ZNF385B: variants seen among roughly 807,000 people sequenced by gnomAD.
ZNF385B encodes the protein zinc finger protein 385B, also known as zinc finger protein 533.
Under a neutral mutation model 39.2 loss-of-function variants are expected in ZNF385B, and 23 were observed. That is an observed-to-expected ratio of 0.59 (90% CI 0.42 to 0.83). ZNF385B has a LOEUF of 0.83. Ranked by LOEUF, ZNF385B falls within the 40% of genes least tolerant of loss-of-function variation. ZNF385B has a pLI of 0.00. For synonymous variants in ZNF385B, 205 were observed against 222.6 expected, an observed-to-expected ratio of 0.92 and a Z score of 0.70; for missense variants, 552 against 598.9, an observed-to-expected ratio of 0.92 and a Z score of 0.82.
intron 6 of ZNF385B, among the ~76,000 whole-genome samples, chr2:179,448,607 G>C (rs1365475447): frequency 6.6e-6 from 1 of 152,040 alleles, no homozygotes; most frequent in Non-Finnish European, 1.5e-5. Flanking sequence ...TGTCTTATTA[G>C]CTCTCACAGA....
intron 3 of ZNF385B, among the ~76,000 whole-genome samples, chr2:179,701,323 A>G (rs1274477756): frequency 6.6e-6 from 1 of 152,170 alleles, no homozygotes; most frequent in Non-Finnish European, 1.5e-5. Flanking sequence ...CTTTCTACAC[A>G]TTCTTCTTAA....
chr2:179,498,741 A>G (rs1228143699), intron 5 of ZNF385B, among the ~76,000 whole-genome samples: 1 of 151,992 alleles, frequency 6.6e-6, no homozygotes, highest in African/African-American at 2.4e-5. Context: ...GAAAAACTTC[A>G]AATACACAAT....
intron 3 of ZNF385B, among the ~76,000 whole-genome samples, chr2:179,737,456 G>C (rs1415037439): frequency 6.6e-6 from 1 of 151,842 alleles, no homozygotes; most frequent in Non-Finnish European, 1.5e-5. Flanking sequence ...AACCTCACAT[G>C]TTGTGCCATC....
chr2:179,449,216 G>A (rs1038330841), intron 6 of ZNF385B, among the ~76,000 whole-genome samples: 25 of 152,130 alleles, frequency 1.6e-4, no homozygotes, highest in African/African-American at 4.8e-4. Context: ...GGTAAGAGGC[G>A]TGAGAGCATA....
At chr2:179,575,927 G>A (rs1412736202) in intron 3 of ZNF385B, among the ~76,000 whole-genome samples, 1 of 151,912 alleles carries the variant, frequency 6.6e-6, no homozygotes, top group Non-Finnish European at 1.5e-5. Flanking sequence ...TTTCCTCAAG[G>A]GTTCATTTTA....
intron 3 of ZNF385B, among the ~76,000 whole-genome samples, chr2:179,625,706 G>A (rs993437312): frequency 6.6e-6 from 1 of 152,006 alleles, no homozygotes; most frequent in African/African-American, 2.4e-5. Context: ...TGAGATAATA[G>A]GGCTGGTACA....
chr2:179,805,764 C>A (rs893646505), intron 1 of ZNF385B, among the ~76,000 whole-genome samples: 1 of 152,202 alleles, frequency 6.6e-6, no homozygotes, highest in South Asian at 2.1e-4. Flanking sequence ...TTAGCTGCTA[C>A]TGCTGCTGTT....
At chr2:179,585,120 T>C (rs770865118) in intron 3 of ZNF385B, among the ~76,000 whole-genome samples, 1 of 152,160 alleles carries the variant, frequency 6.6e-6, no homozygotes, top group Non-Finnish European at 1.5e-5. Context: ...CTGGAATCAA[T>C]GGCATGGGAT....
chr2:179,500,101 A>G (rs747780353), intron 5 of ZNF385B, among the ~76,000 whole-genome samples: 1 of 152,114 alleles, frequency 6.6e-6, no homozygotes, highest in Non-Finnish European at 1.5e-5. Context: ...CTTTACAAAG[A>G]AAACTGTAAA....
In ZNF385B at chr2:179,617,404, T is replaced by C. The variant is rs189690461; in HGVS notation, c.299-72435A>G. ...GAAAGCCTAGTACCACCTGATTGGG[T>C]TCTTTTTATTTCTCCTAGATTTAAT... On this transcript the variant is annotated intron_variant, in intron 3 of 9. Transcript: ENST00000410066. 1.6e-3 allele frequency among the ~76,000 whole-genome samples: 240 copies of C among 152,300 alleles called. 1 individual carries two copies. Among genetic ancestry groups the C allele is most frequent in the African/African-American group, 5.5e-3 (227 of 41,566 alleles).
chr2:179,597,796 C>T (rs1232731179), intron 3 of ZNF385B, among the ~76,000 whole-genome samples: 1 of 152,064 alleles, frequency 6.6e-6, no homozygotes, highest in Non-Finnish European at 1.5e-5. Context: ...ATATTATTGC[C>T]CCATAAGTCT....
intron 1 of ZNF385B, among the ~76,000 whole-genome samples, chr2:179,788,132 CCT>C (rs1202439569): frequency 6.6e-6 from 1 of 152,066 alleles, no homozygotes; most frequent in Non-Finnish European, 1.5e-5. Flanking sequence ...TCATTCTTTT[CCT>C]CTGTTACAAT....
intron 1 of ZNF385B, among the ~76,000 whole-genome samples, chr2:179,806,857 A>C (rs1706382506): frequency 6.6e-6 from 1 of 152,224 alleles, no homozygotes; most frequent in African/African-American, 2.4e-5. Context: ...CTGACTAGTA[A>C]TCAGGGAAAT....
At chr2:179,469,640 G>C (rs141362409) in intron 6 of ZNF385B, among the ~76,000 whole-genome samples, 118 of 152,262 alleles carry the variant, frequency 7.7e-4, no homozygotes, top group African/African-American at 2.6e-3. Context: ...TTGGGTTAGA[G>C]GTCCAATTTA....
chr2:179,804,944 C>T (rs946336567), intron 1 of ZNF385B, among the ~76,000 whole-genome samples: 34 of 152,266 alleles, frequency 2.2e-4, no homozygotes, highest in African/African-American at 7.2e-4. Flanking sequence ...CATTGATAAT[C>T]TCTAGAGGGG....
chr2:179,632,443 G>C (rs1227188406), intron 3 of ZNF385B, among the ~76,000 whole-genome samples: 2 of 152,210 alleles, frequency 1.3e-5, no homozygotes, highest in African/African-American at 4.8e-5. Flanking sequence ...GCCTGCTCCT[G>C]AATGACTACT....
chr2:179,744,230 A>G (rs1575405620), intron 3 of ZNF385B, among the ~76,000 whole-genome samples: 1 of 152,144 alleles, frequency 6.6e-6, no homozygotes, highest in Non-Finnish European at 1.5e-5. Context: ...CTTGAGAGAA[A>G]TGACAATGCA....
chr2:179,689,783 ATGTGTGTGTGTGTGTGTGTGTG>A (rs112957152), intron 3 of ZNF385B, among the ~76,000 whole-genome samples: 5 of 130,106 alleles, frequency 3.8e-5, no homozygotes, highest in Non-Finnish European at 6.5e-5. Context: ...GGGCAGGGGC[ATGTGTGTGTGTGTGTGTGTGTG>A]TGTGTGTGTG....
At chr2:179,639,742 T>C (rs1036365628) in intron 3 of ZNF385B, among the ~76,000 whole-genome samples, 2 of 152,158 alleles carry the variant, frequency 1.3e-5, no homozygotes, top group Admixed American at 6.5e-5. Context: ...ATTCAGGCAA[T>C]GATCATCAAT....
Sources: gnomAD v4.1 joint callset for allele counts (sites outside exome capture counted in the v4.1 genomes callset) on GRCh38, gnomAD v4.1.1 for gene constraint, MANE v1.5 for transcripts, NCBI Gene and HGNC (gene_info 2026-07-23, HGNC 2026-07-21) for gene names.